Variants in CERS6 observed in about 807,000 individuals in gnomAD.
CERS6 encodes ceramide synthase 6, also known as LAG1 homolog, ceramide synthase 6.
Under a neutral mutation model 56.8 loss-of-function variants are expected in CERS6, and 26 were observed. The ratio of observed to expected loss-of-function variants is 0.46; its 90% CI spans 0.34 to 0.63. CERS6 has a LOEUF of 0.63. Among genes scored for constraint, CERS6 ranks in the 30% least tolerant of loss-of-function variants. The probability of loss-of-function intolerance (pLI) is 0.01; values close to 1 mark genes in which losing one functional copy is unlikely to be tolerated. For synonymous variants in CERS6, 164 were observed against 173.3 expected, an observed-to-expected ratio of 0.95 and a Z score of 0.42; for missense variants, 415 against 467.5, an observed-to-expected ratio of 0.89 and a Z score of 1.04.
At chr2:168,469,406 T>C (rs1004735004) in intron 1 of CERS6, among the ~76,000 whole-genome samples, 1 of 152,200 alleles carries the variant, frequency 6.6e-6, no homozygotes, top group African/African-American at 2.4e-5. Context: ...GTCTATTAAA[T>C]GAGGAAGTAA....
At chr2:168,683,471 A>T (rs1162578339) in intron 4 of CERS6, among the ~76,000 whole-genome samples, 1 of 152,218 alleles carries the variant, frequency 6.6e-6, no homozygotes, top group Non-Finnish European at 1.5e-5. Context: ...AGAAATAGTA[A>T]TCCTTTATCT....
At chr2:168,643,169 C>G (rs1308163072) in intron 4 of CERS6, among the ~76,000 whole-genome samples, 1 of 152,120 alleles carries the variant, frequency 6.6e-6, no homozygotes, top group African/African-American at 2.4e-5. Context: ...ACAGCCCCTT[C>G]CATCCTCACC....
intron 6 of CERS6, among the ~76,000 whole-genome samples, chr2:168,710,213 A>T (rs1383497544): frequency 6.6e-6 from 1 of 152,214 alleles, no homozygotes; most frequent in Non-Finnish European, 1.5e-5. Flanking sequence ...TTGTTTACTG[A>T]TGTTATATCA....
At chr2:168,746,885 A>C (rs1206272104) in intron 8 of CERS6, among the ~76,000 whole-genome samples, 1 of 136,806 alleles carries the variant, frequency 7.3e-6, no homozygotes, top group Non-Finnish European at 1.5e-5. Flanking sequence ...ATTTTCTCTA[A>C]TTATAAGAAT....
chr2:168,546,061 A>T (rs1019986649), intron 1 of CERS6, among the ~76,000 whole-genome samples: 13 of 152,206 alleles, frequency 8.5e-5, no homozygotes, highest in Non-Finnish European at 1.9e-4. Context: ...GATGAGGGGC[A>T]AATAACCACA....
At chr2:168,604,880 C>G (rs749912076) in intron 3 of CERS6, among the ~76,000 whole-genome samples, 1 of 152,174 alleles carries the variant, frequency 6.6e-6, no homozygotes, top group African/African-American at 2.4e-5. Flanking sequence ...TCAGGTATTT[C>G]TTTAGAGCCA....
intron 1 of CERS6, among the ~76,000 whole-genome samples, chr2:168,493,949 T>G (rs563219917): frequency 1.3e-5 from 2 of 152,154 alleles, no homozygotes; most frequent in Middle Eastern, 6.8e-3. Context: ...GCCAGACTGG[T>G]GTCAAGACTG....
At chr2:168,715,168 A>C (rs749744852) in intron 7 of CERS6, 39 bp downstream of exon 7, 2 of 1,587,832 alleles carry the variant, frequency 1.3e-6, no homozygotes, top group African/African-American at 1.4e-5. Flanking sequence ...ACAAAATCCA[A>C]AATTTAGGAA....
At chr2:168,762,258 G>A (rs1684603915) in intron 8 of CERS6, among the ~76,000 whole-genome samples, 1 of 152,038 alleles carries the variant, frequency 6.6e-6, no homozygotes, top group African/African-American at 2.4e-5. Flanking sequence ...TCCTGTTATG[G>A]GACATTTTGG....
intron 3 of CERS6, among the ~76,000 whole-genome samples, chr2:168,626,510 T>A (rs1258066571): frequency 2.0e-5 from 3 of 152,236 alleles, no homozygotes; most frequent in Non-Finnish European, 2.9e-5. Context: ...CCTTGTTGTG[T>A]AAGGACAATA....
At chr2:168,641,248 C>A (rs974245181) in intron 4 of CERS6, among the ~76,000 whole-genome samples, 9 of 74,732 alleles carry the variant, frequency 1.2e-4, no homozygotes, top group African/African-American at 4.1e-4. Context: ...TATTACTGTA[C>A]CGGAAATGTC....
chr2:168,511,335 T>G (rs966341948), intron 1 of CERS6, among the ~76,000 whole-genome samples: 1 of 152,228 alleles, frequency 6.6e-6, no homozygotes, highest in South Asian at 2.1e-4. Flanking sequence ...TTCTTATCCA[T>G]CATCTCCCAT....
chr2:168,703,117 T>C (rs1412624473), intron 6 of CERS6, among the ~76,000 whole-genome samples: 3 of 152,234 alleles, frequency 2.0e-5, no homozygotes, highest in Admixed American at 1.3e-4. Flanking sequence ...TTTTAAAAAT[T>C]TCTCAGTTCC....
chr2:168,768,993 A>G (rs1479692311), intron 9 of CERS6, among the ~76,000 whole-genome samples: 1 of 152,042 alleles, frequency 6.6e-6, no homozygotes, highest in Admixed American at 6.6e-5. Context: ...CTAATTAATT[A>G]TAGCATACAA....
intron 8 of CERS6, among the ~76,000 whole-genome samples, chr2:168,718,862 C>T (rs576380479): frequency 6.6e-6 from 1 of 152,318 alleles, no homozygotes; most frequent in Admixed American, 6.5e-5. Flanking sequence ...TCAGGATTTA[C>T]TCTGTTGAGT....
intron 1 of CERS6, among the ~76,000 whole-genome samples, chr2:168,530,405 A>C (rs1419728077): frequency 3.9e-5 from 6 of 152,234 alleles, no homozygotes. Context: ...CAAGTACCAC[A>C]ATACTGTGCA....
At chr2:168,541,646 G>A (rs952250845) in intron 1 of CERS6, among the ~76,000 whole-genome samples, 2 of 151,932 alleles carry the variant, frequency 1.3e-5, no homozygotes, top group Non-Finnish European at 2.9e-5. Context: ...TTTTTACATT[G>A]CTTTCAAAAA....
At chr2:168,608,307 A>G (rs1684101896) in intron 3 of CERS6, among the ~76,000 whole-genome samples, 1 of 152,338 alleles carries the variant, frequency 6.6e-6, no homozygotes, top group East Asian at 1.9e-4. Flanking sequence ...TTTGGCTACT[A>G]TGAATAATGC....
intron 3 of CERS6, among the ~76,000 whole-genome samples, chr2:168,610,160 G>A (rs565806529): frequency 1.3e-5 from 2 of 152,026 alleles, no homozygotes; most frequent in South Asian, 4.2e-4. Flanking sequence ...TGTATTTTTA[G>A]TAGAGACGGG....
Sources: gnomAD v4.1 joint callset for allele counts (sites outside exome capture counted in the v4.1 genomes callset) on GRCh38, gnomAD v4.1.1 for gene constraint, MANE v1.5 for transcripts, NCBI Gene and HGNC (gene_info 2026-07-23, HGNC 2026-07-21) for gene names.